RBFOX2: variants seen among roughly 807,000 people sequenced by gnomAD.
RBFOX2 encodes RNA binding protein fox-1 homolog 2.
RBFOX2 carries 10 observed loss-of-function variants against 49.1 expected under a neutral mutation model. The observed-to-expected ratio is 0.20, with a 90% CI of 0.13 to 0.35. The LOEUF is 0.35. RBFOX2 is among the 10% of genes least tolerant of loss of function. The pLI is 1.00. For missense variants in RBFOX2, 323 were observed against 486.9 expected (o/e 0.66, Z 3.17); for synonymous variants, 183 against 187.4 (o/e 0.98, Z 0.19).
intron 1 of RBFOX2, among the ~76,000 whole-genome samples, chr22:35,955,570 T>C (rs2055451227): frequency 6.6e-6 from 1 of 152,058 alleles, no homozygotes; most frequent in Admixed American, 6.6e-5. Context: ...TGGGGATAGT[T>C]TCAAGATGAA....
intron 1 of RBFOX2, among the ~76,000 whole-genome samples, chr22:35,885,843 A>ATTTTTTTTTTTTTTTTTTTTT (rs538674450): frequency 2.4e-5 from 2 of 83,146 alleles, no homozygotes; most frequent in African/African-American, 1.1e-4. Context: ...CCCAAACCTA[A>ATTTTTTTTTTTTTTTTTTTTT]TTTTTTTTTT....
chr22:35,872,005 G>A (rs2044413803), intron 1 of RBFOX2, among the ~76,000 whole-genome samples: 2 of 152,188 alleles, frequency 1.3e-5, no homozygotes, highest in Admixed American at 6.5e-5. Flanking sequence ...GGCAAAGAAT[G>A]ACAATTTTAA....
At chr22:35,897,607 A>G (rs1344469301) in intron 1 of RBFOX2, 9 of 1,276,436 alleles carry the variant, frequency 7.1e-6, no homozygotes, top group African/African-American at 5.9e-5. Flanking sequence ...ATTTGGCCCA[A>G]CGAAAGCAAA....
intron 1 of RBFOX2, among the ~76,000 whole-genome samples, chr22:35,825,235 T>C (rs1349403793): frequency 6.6e-6 from 1 of 152,122 alleles, no homozygotes; most frequent in Non-Finnish European, 1.5e-5. Context: ...GAAGCCAAAA[T>C]GCATCAGATA....
chr22:36,010,304 A>T (rs940334160), intron 1 of RBFOX2, among the ~76,000 whole-genome samples: 3 of 152,168 alleles, frequency 2.0e-5, no homozygotes, highest in African/African-American at 7.2e-5. Context: ...CCGGGTGTGA[A>T]GGAAAAAGCA....
At chr22:35,753,167 C>G (rs1015559471) in intron 9 of RBFOX2, among the ~76,000 whole-genome samples, 1 of 152,234 alleles carries the variant, frequency 6.6e-6, no homozygotes, top group Admixed American at 6.5e-5. Context: ...ATACTAAACT[C>G]TCTATTCCTT....
At chr22:35,755,143 T>C (rs374793691) in intron 9 of RBFOX2, among the ~76,000 whole-genome samples, 3 of 152,244 alleles carry the variant, frequency 2.0e-5, no homozygotes, top group Non-Finnish European at 2.9e-5. Context: ...AAAGTATTTC[T>C]AGACAATTTT....
At position 35,808,651 on chromosome 22, in the gene RBFOX2, C is replaced by A. The variant is rs1951210169; in HGVS notation, c.252+1129G>T. Among the ~76,000 whole-genome samples, 2 of 151,914 alleles carry A rather than the reference C, an allele frequency of 1.3e-5. 1 individual carries two copies. Among genetic ancestry groups the A allele is most frequent in the South Asian group, 4.2e-4 (2 of 4,806 alleles). On this transcript the variant is annotated intron_variant, in intron 2 of 11. Coordinates refer to ENST00000405409, the Ensembl canonical transcript of RBFOX2. Reference sequence around the variant, plus strand: ...TAGAGTGACAGGAGTTCAAAATAAGCTTGGACAACAACAAAAGGAGACCCT... The same window carrying A: ...TAGAGTGACAGGAGTTCAAAATAAGATTGGACAACAACAAAAGGAGACCCT...
intron 1 of RBFOX2, among the ~76,000 whole-genome samples, chr22:35,835,265 G>A (rs549528742): frequency 3.9e-5 from 6 of 152,286 alleles, no homozygotes; most frequent in Admixed American, 6.5e-5. Flanking sequence ...GTCAGATCCC[G>A]GAGAGGAATG....
intron 2 of RBFOX2, among the ~76,000 whole-genome samples, chr22:35,787,907 C>T (rs986751717): frequency 1.3e-5 from 2 of 152,206 alleles, no homozygotes; most frequent in Admixed American, 1.3e-4. Context: ...AGAGTGAGGA[C>T]TAGCGGCAGT....
chr22:35,756,019 A>AAAACC (rs1027017326), intron 9 of RBFOX2, 86 bp downstream of exon 11: 3 of 1,044,830 alleles, frequency 2.9e-6, no homozygotes, highest in Admixed American at 4.1e-5. Context: ...TAAAAGGAAA[A>AAAACC]AAACCAAACC....
At chr22:35,822,110 T>G (rs960708429) in intron 1 of RBFOX2, among the ~76,000 whole-genome samples, 2 of 152,158 alleles carry the variant, frequency 1.3e-5, no homozygotes, top group Non-Finnish European at 2.9e-5. Flanking sequence ...CCCAATAAAG[T>G]GTTAGTGGGT....
At chr22:35,852,009 G>A (rs1215917651) in intron 1 of RBFOX2, among the ~76,000 whole-genome samples, 2 of 151,838 alleles carry the variant, frequency 1.3e-5, no homozygotes, top group East Asian at 1.9e-4. Flanking sequence ...TTATCCTTGG[G>A]TTACACATTT....
At position 35,969,853 on chromosome 22, in the gene RBFOX2, C is replaced by T. The variant is rs143977609; in HGVS notation, c.187-30956G>A. ...GAAGAATATGTATCACCTTTAGGCC[C>T]AGAACACAATGGGTTGAGGCTGTCT... On this transcript the variant is annotated intron_variant, in intron 1 of 13. Coordinates refer to the RBFOX2 transcript ENST00000438146. 4.6e-4 allele frequency among the ~76,000 whole-genome samples: 70 copies of T among 152,286 alleles called. 2 individuals carry two copies. The East Asian group carries it at 0.013, about 27-fold the overall frequency.
chr22:35,771,413 A>G (rs1169837248), intron 4 of RBFOX2, among the ~76,000 whole-genome samples: 1 of 152,158 alleles, frequency 6.6e-6, no homozygotes, highest in Non-Finnish European at 1.5e-5. Flanking sequence ...AAAGGGGAGA[A>G]AACAGATGAT....
At chr22:35,748,554 T>C (rs771132528) in intron 9 of RBFOX2, 39 of 152,204 alleles carry the variant, frequency 2.6e-4, no homozygotes, top group Admixed American at 3.9e-4. Context: ...AAATGAACCC[T>C]AGTAATTTTT....
At chr22:36,007,999 T>G (rs2058681405) in intron 1 of RBFOX2, among the ~76,000 whole-genome samples, 1 of 152,190 alleles carries the variant, frequency 6.6e-6, no homozygotes, top group Non-Finnish European at 1.5e-5. Flanking sequence ...TGTATATTCT[T>G]ATACGCAGAT....
intron 1 of RBFOX2, among the ~76,000 whole-genome samples, chr22:36,026,541 T>TACACACACACACACACAC (rs3075271): frequency 1.0e-4 from 14 of 136,646 alleles, no homozygotes; most frequent in African/African-American, 4.1e-4. Flanking sequence ...AATGAATACA[T>TACACACACACACACACAC]ACACACACAC....
intron 6 of RBFOX2, 117 bp downstream of exon 7, chr22:35,765,306 T>TAC (rs1368159088): frequency 2.8e-6 from 2 of 706,004 alleles, no homozygotes; most frequent in Non-Finnish European, 4.7e-6. Context: ...GTAAAGAGAC[T>TAC]ACTTCAACAC....
Sources: gnomAD v4.1 joint callset for allele counts (sites outside exome capture counted in the v4.1 genomes callset) on GRCh38, gnomAD v4.1.1 for gene constraint, MANE v1.5 for transcripts, NCBI Gene and HGNC (gene_info 2026-07-23, HGNC 2026-07-21) for gene names.